The following IER5 variants were observed in gnomAD, a reference collection of about 807,000 sequenced individuals.
IER5 encodes the protein immediate early response 5, also known as immediate early response gene 5 protein.
In IER5, 3 loss-of-function variants were observed where a neutral mutation model predicts 8.2. The observed-to-expected ratio is 0.36, with a 90% CI of 0.17 to 0.94. The LOEUF is 0.94. Among genes scored for constraint, IER5 ranks in the 40% least tolerant of loss-of-function variants. The probability of loss-of-function intolerance (pLI) is 0.43; values close to 1 mark genes in which losing one functional copy is unlikely to be tolerated. For missense variants in IER5, 531 were observed against 494.3 expected (o/e 1.07, Z -0.70); for synonymous variants, 286 against 230.1 (o/e 1.24, Z -2.20).
Position 181,090,318 on chromosome 1 carries a change from C to G in IER5, c.*432C>G, listed in dbSNP as rs567906971. ...GGAGGGAGGGACTTTACACCTACCC[C>G]TCACCGGAAAGCTAGACCCGCTTCA... On this transcript the variant is annotated 3_prime_UTR_variant, in exon 1 of 1. Transcript: ENST00000367577. 14 of 197,816 alleles carry G rather than the reference C, an allele frequency of 7.1e-5. No individual in the cohort carries two copies. The highest frequency in any genetic ancestry group is 1.5e-4 in the Non-Finnish European group (13 of 87,046). 12.3% of individuals were successfully genotyped at this position (197,816 alleles called of 1,614,324 possible).
chr1:181,089,084 C>T lies in IER5; in HGVS notation c.182C>T (p.Ala61Val). Residue 61 changes from alanine to valine, a missense_variant, in exon 1 of 1, where the codon GCT (alanine) becomes GTT (valine). Ala to Val is a moderately conservative substitution (Grantham distance 64). Coordinates refer to ENST00000367577, the MANE Select transcript of IER5 (RefSeq NM_016545.5). ...CCCGGCCTCTACCTGGCCGGTCCCGCTGGGACCCCGGCGCCGCCACCGCAG... is the reference window on the plus strand; with the variant it reads ...CCCGGCCTCTACCTGGCCGGTCCCGTTGGGACCCCGGCGCCGCCACCGCAG... ...PCPGLYLAGP[A>V]GTPAPPPQQQ... 6.5e-7 allele frequency: 1 copy of T among 1,539,916 alleles called. No homozygotes were observed. The highest frequency in any genetic ancestry group is 8.7e-7 in the Non-Finnish European group (1 of 1,146,506).
At position 181,092,267 on chromosome 1, in the gene IER5, TC is replaced by T. The variant is rs2102435661; in HGVS notation, c.*2383del. 6.6e-6 allele frequency: 1 copy of T among 151,710 alleles called. No homozygotes were observed. Among genetic ancestry groups the T allele is most frequent in the East Asian group, 1.9e-4 (1 of 5,178 alleles). 9.4% of individuals were successfully genotyped at this position (151,710 alleles called of 1,614,324 possible). ...GTGTTTTGGATGAGACTAAAGTTGA[TC>T]CTTGGTTTTACATTAAGATGAACCT... On this transcript the variant is annotated 3_prime_UTR_variant, in exon 1 of 1. Coordinates refer to ENST00000367577, the MANE Select transcript of IER5 (RefSeq NM_016545.5).
chr1:181,089,851 A>G lies in IER5; in HGVS notation c.949A>G (p.Met317Val), dbSNP rs768425245. ...ICCDKPVLRD[M>V]NPWSTAIVAF ...CTGCGATAAGCCGGTGCTGAGAGAC[A>G]TGAACCCCTGGAGCACAGCCATCGT... Residue 317 changes from methionine (M) to valine (V), a missense_variant, in exon 1 of 1, where the codon ATG becomes GTG. By Grantham distance (21) the Met-to-Val change is conservative. Coordinates refer to ENST00000367577, the MANE Select transcript of IER5 (RefSeq NM_016545.5). 2.5e-6 allele frequency: 4 copies of G among 1,613,328 alleles called. No individual in the cohort carries two copies. Among genetic ancestry groups the G allele is most frequent in the Non-Finnish European group, 3.4e-6 (4 of 1,179,888 alleles).
rs1659477820 is a variant in IER5, at chr1:181,091,584, C to T, written c.*1698C>T. 1 of 152,198 alleles carries T rather than the reference C, an allele frequency of 6.6e-6. No homozygotes were observed. The highest frequency in any genetic ancestry group is 2.4e-5 in the African/African-American group (1 of 41,436). The allele number at this position is 152,198 out of a possible 1,614,324, so 9.4% of individuals were successfully genotyped here. The stretch of plus-strand genomic sequence containing the variant: ...AGGTGATGATAGCCAAAACATCCAT[C>T]GATTTTACTAAAATCACTGCCATTA... On this transcript the variant is annotated 3_prime_UTR_variant, in exon 1 of 1. Coordinates refer to ENST00000367577, the MANE Select transcript of IER5 (RefSeq NM_016545.5).
In IER5 at chr1:181,091,850, C is replaced by T. The variant is rs1659487745; in HGVS notation, c.*1964C>T. On this transcript the variant is annotated 3_prime_UTR_variant, in exon 1 of 1. Transcript: ENST00000367577. ...AGCATAAGAGGCATATGAATGGTGT[C>T]TTGGCCTTAACTCCCAATTATACGA... 1 of 152,186 alleles carries T rather than the reference C, an allele frequency of 6.6e-6. No homozygotes were observed. The highest frequency in any genetic ancestry group is 2.1e-4 in the South Asian group (1 of 4,834). 9.4% of individuals were successfully genotyped at this position (152,186 alleles called of 1,614,324 possible).
Position 181,089,648 on chromosome 1 carries a change from C to T in IER5, c.746C>T (p.Pro249Leu), listed in dbSNP as rs1234381959. 23 of 1,612,736 alleles carry T rather than the reference C, an allele frequency of 1.4e-5. No homozygotes were observed. The highest frequency in any genetic ancestry group is 1.9e-5 in the Non-Finnish European group (22 of 1,179,874). The change falls in exon 1 of 1, where the codon CCG (proline) becomes CTG (leucine). Residue 249 changes from proline to leucine, a missense_variant. Transcript: ENST00000367577. ...LKKPRRNLEQ[P>L]PSGGEDDDAE... ...AAGCCCCGCCGGAACTTAGAGCAGC[C>T]GCCGAGTGGAGGAGAGGACGACGAC...
rs762861202 is a variant in IER5 at position 181,089,190 on chromosome 1, G to A, written c.288G>A (p.Pro96=). ...CGCCCGCCGCTCGTGCCTCTTGGCC[G>A]GAGACCGAGCCGCAGCCGGAGCGCT... ...PPPPAARASW[P]ETEPQPERSS... is the part of the protein sequence containing the mutation. The change falls in exon 1 of 1, where the codon CCG becomes CCA. Residue 96 remains proline (P), a synonymous_variant. Transcript: ENST00000367577. 6.6e-7 allele frequency: 1 copy of A among 1,522,900 alleles called. No homozygotes were observed. Among genetic ancestry groups the A allele is most frequent in the Non-Finnish European group, 8.8e-7 (1 of 1,137,358 alleles). 94.3% of individuals were successfully genotyped at this position (1,522,900 alleles called of 1,614,324 possible).
In IER5 at chr1:181,089,743, C is replaced by T. The variant is rs766086052; in HGVS notation, c.841C>T (p.Leu281=). The T allele has an allele frequency of 6.2e-7, 1 of 1,613,934 alleles. No individual in the cohort carries two copies. The highest frequency in any genetic ancestry group is 1.1e-5 in the South Asian group (1 of 91,080). ...CTTCGGTTCCAGTTTCTCGGGACTC[C>T]TACGGAAAAGCCCCGGGGGCGGCAG... The part of the protein sequence containing the change: ...SIFGSSFSGL[L]RKSPGGGREE... Residue 281 remains leucine, a synonymous_variant, in exon 1 of 1, where the codon CTA becomes TTA. Transcript: ENST00000367577.
rs1458564818 is a variant in IER5, at chr1:181,088,788, G to C, written c.-115G>C. 6.4e-6 allele frequency: 5 copies of C among 786,124 alleles called. No individual in the cohort carries two copies. The highest frequency in any genetic ancestry group is 6.0e-6 in the Non-Finnish European group (3 of 504,052). The allele number at this position is 786,124 out of a possible 1,614,324, so 48.7% of individuals were successfully genotyped here. On this transcript the variant is annotated 5_prime_UTR_variant, in exon 1 of 1. Coordinates refer to ENST00000367577, the MANE Select transcript of IER5 (RefSeq NM_016545.5). ...CGCGTCACCAGAGTCGTTTCTCTTCGGAGTCTTAGGTGATCGAGGGTGTGC... is the reference window on the plus strand; with the variant it reads ...CGCGTCACCAGAGTCGTTTCTCTTCCGAGTCTTAGGTGATCGAGGGTGTGC...
chr1:181,089,664 GGAC>G lies in IER5; in HGVS notation c.770_772del (p.Asp257del). 5.0e-6 allele frequency: 8 copies of G among 1,613,144 alleles called. No homozygotes were observed. The highest frequency in any genetic ancestry group is 6.8e-6 in the Non-Finnish European group (8 of 1,179,930). ...TAGAGCAGCCGCCGAGTGGAGGAGA[GGAC>G]GACGACGCGGAGGAGATGGAGACCG... is the stretch of plus-strand genomic sequence containing the variant. On this transcript the variant is annotated inframe_deletion, in exon 1 of 1. Transcript: ENST00000367577.
rs974102533 is a variant in IER5 at position 181,089,908 on chromosome 1, A to G, written c.*22A>G. The G allele has an allele frequency of 1.9e-6, 3 of 1,607,304 alleles. No individual in the cohort carries two copies. Among genetic ancestry groups the G allele is most frequent in the East Asian group, 2.2e-5 (1 of 44,700 alleles). On this transcript the variant is annotated 3_prime_UTR_variant, in exon 1 of 1. Transcript: ENST00000367577. ...CTGAGCCCTTGGCCCCCCTGCGGGGAGGAGGTGGAGCAGCGGGCGTCCCCG... is the reference window on the plus strand; with the variant it reads ...CTGAGCCCTTGGCCCCCCTGCGGGGGGGAGGTGGAGCAGCGGGCGTCCCCG...
rs1417617457 is a variant in IER5 at position 181,088,716 on chromosome 1, C to T, written c.-187C>T. 1.2e-5 allele frequency: 7 copies of T among 589,402 alleles called. No homozygotes were observed. Among genetic ancestry groups the T allele is most frequent in the African/African-American group, 5.8e-5 (3 of 51,580 alleles). 36.5% of individuals were successfully genotyped at this position (589,402 alleles called of 1,614,324 possible). Reference sequence around the variant, plus strand: ...GGCTGCCCTGTTTAGCGACCGGACCCGAAACGGGGAAGTTGTCTTGTTTGG... The same window carrying T: ...GGCTGCCCTGTTTAGCGACCGGACCTGAAACGGGGAAGTTGTCTTGTTTGG... On this transcript the variant is annotated 5_prime_UTR_variant, in exon 1 of 1. Transcript: ENST00000367577.
chr1:181,091,151 A>G lies in IER5; in HGVS notation c.*1265A>G, dbSNP rs1659467269. 6.6e-6 allele frequency: 1 copy of G among 152,196 alleles called. No individual in the cohort carries two copies. Among genetic ancestry groups the G allele is most frequent in the Admixed American group, 6.5e-5 (1 of 15,288 alleles). 9.4% of individuals were successfully genotyped at this position (152,196 alleles called of 1,614,324 possible). On this transcript the variant is annotated 3_prime_UTR_variant, in exon 1 of 1. Coordinates refer to ENST00000367577, the MANE Select transcript of IER5 (RefSeq NM_016545.5). ...AATATGTGGGTGTCTAATACTAAGT[A>G]ATTTAACCAACTTTTGAAGCCCCGC... is the stretch of plus-strand genomic sequence containing the variant.
At position 181,092,430 on chromosome 1, in the gene IER5, G is replaced by A. The variant is rs1187014809; in HGVS notation, c.*2544G>A. ...TAGTAGTTAGAGCATGGGCCCTGGA[G>A]CCAGGCTGCTTGGTGTCTTCCTTTA... is the stretch of plus-strand genomic sequence containing the variant. On this transcript the variant is annotated 3_prime_UTR_variant, in exon 1 of 1. Coordinates refer to ENST00000367577, the MANE Select transcript of IER5 (RefSeq NM_016545.5). 5 of 151,860 alleles carry A rather than the reference G, an allele frequency of 3.3e-5. No homozygotes were observed. The highest frequency in any genetic ancestry group is 7.4e-5 in the Non-Finnish European group (5 of 68,014). The allele number at this position is 151,860 out of a possible 1,614,324, so 9.4% of individuals were successfully genotyped here. A position where few individuals can be genotyped will look rare whatever the true frequency, so the allele number is the denominator to read the frequency against.
rs966025893 is a variant in IER5, at chr1:181,092,839, G to C, written c.*2953G>C. On this transcript the variant is annotated 3_prime_UTR_variant, in exon 1 of 1. Transcript: ENST00000367577. ...TCTGTGTATAAATCAGATACACTGT[G>C]GTCAAAGATTTGTGTGTATTTGTAA... 2.0e-5 allele frequency: 3 copies of C among 152,170 alleles called. No individual in the cohort carries two copies. The highest frequency in any genetic ancestry group is 7.2e-5 in the African/African-American group (3 of 41,430). 9.4% of individuals were successfully genotyped at this position (152,170 alleles called of 1,614,324 possible).
Position 181,089,472 on chromosome 1 carries a change from C to T in IER5, c.570C>T (p.Ala190=), listed in dbSNP as rs1372861724. Reference sequence around the variant, plus strand: ...GGGAGGACCCGCCGGGTACACCGGCCGCGACCCCCCGCGCTGCCTGCTGCT... The same window carrying T: ...GGGAGGACCCGCCGGGTACACCGGCTGCGACCCCCCGCGCTGCCTGCTGCT... ...LGGEDPPGTP[A]ATPRAACCCA... The change falls in exon 1 of 1, where the codon GCC becomes GCT. Residue 190 remains alanine (A), a synonymous_variant. Transcript: ENST00000367577. 1.6e-5 allele frequency: 21 copies of T among 1,346,884 alleles called. 1 individual carries two copies. In the Admixed American group the frequency reaches 6.1e-4, roughly 39 times the overall value. The allele number at this position is 1,346,884 out of a possible 1,614,324, so 83.4% of individuals were successfully genotyped here. A position where few individuals can be genotyped will look rare whatever the true frequency, so the allele number is the denominator to read the frequency against.
In IER5 at chr1:181,088,734, T is replaced by C. The variant is rs918956415; in HGVS notation, c.-169T>C. 41 of 631,272 alleles carry C rather than the reference T, an allele frequency of 6.5e-5. No individual in the cohort carries two copies. Among genetic ancestry groups the C allele is most frequent in the Middle Eastern group, 8.2e-4 (2 of 2,438 alleles). 39.1% of individuals were successfully genotyped at this position (631,272 alleles called of 1,614,324 possible). On this transcript the variant is annotated 5_prime_UTR_variant, in exon 1 of 1. Coordinates refer to ENST00000367577, the MANE Select transcript of IER5 (RefSeq NM_016545.5). ...CCGGACCCGAAACGGGGAAGTTGTC[T>C]TGTTTGGAGAGGTTAGTAGAGCAGC...
chr1:181,091,351 C>T lies in IER5; in HGVS notation c.*1465C>T, dbSNP rs940533285. 6.6e-6 allele frequency: 1 copy of T among 152,152 alleles called. No homozygotes were observed. Among genetic ancestry groups the T allele is most frequent in the African/African-American group, 2.4e-5 (1 of 41,428 alleles). The allele number at this position is 152,152 out of a possible 1,614,324, so 9.4% of individuals were successfully genotyped here. A position where few individuals can be genotyped will look rare whatever the true frequency, so the allele number is the denominator to read the frequency against. ...ACTGACTTGTCCAAATTGTCAGGTCCACCTCTGCATCACAGTGGATGTCAG... is the reference window on the plus strand; with the variant it reads ...ACTGACTTGTCCAAATTGTCAGGTCTACCTCTGCATCACAGTGGATGTCAG... On this transcript the variant is annotated 3_prime_UTR_variant, in exon 1 of 1. Transcript: ENST00000367577.
In IER5 at chr1:181,088,779, TTTCTCTTCG is replaced by T; in HGVS notation, c.-123_-115del. 5.9e-5 allele frequency: 44 copies of T among 746,456 alleles called. No homozygotes were observed. The highest frequency in any genetic ancestry group is 2.9e-4 in the Middle Eastern group (1 of 3,470). The allele number at this position is 746,456 out of a possible 1,614,324, so 46.2% of individuals were successfully genotyped here. A position where few individuals can be genotyped will look rare whatever the true frequency, so the allele number is the denominator to read the frequency against. On this transcript the variant is annotated 5_prime_UTR_variant, in exon 1 of 1. Coordinates refer to ENST00000367577, the MANE Select transcript of IER5 (RefSeq NM_016545.5). Reference sequence around the variant, plus strand: ...AGCAGCGCGCGCGTCACCAGAGTCGTTTCTCTTCGGAGTCTTAGGTGATCGAGGGTGTGC... The same window carrying T: ...AGCAGCGCGCGCGTCACCAGAGTCGTGAGTCTTAGGTGATCGAGGGTGTGC...
Sources: gnomAD v4.1 joint callset for allele counts on GRCh38, gnomAD v4.1.1 for gene constraint, MANE v1.5 for transcripts, NCBI Gene and HGNC (gene_info 2026-07-23, HGNC 2026-07-21) for gene names.